Variants in WASL observed in about 807,000 individuals in gnomAD.
WASL encodes the protein WASP like actin nucleation promoting factor.
A neutral mutation model predicts 55.5 loss-of-function variants in WASL; 20 were observed. The observed-to-expected ratio is 0.36, with a 90% CI of 0.25 to 0.52. WASL has a LOEUF of 0.52. WASL is among the 20% of genes least tolerant of loss of function. WASL has a pLI of 0.92. For missense variants in WASL, 504 were observed against 622.5 expected (o/e 0.81, Z 2.03); for synonymous variants, 249 against 217.6 (o/e 1.14, Z -1.27).
chr7:123,731,186 A>G (rs1804130546), intron 1 of WASL, among the ~76,000 whole-genome samples: 1 of 152,210 alleles, frequency 6.6e-6, no homozygotes, highest in South Asian at 2.1e-4. Flanking sequence ...ACATACATAT[A>G]TATATGCACA....
In WASL at chr7:123,694,829, T is replaced by G. The variant is rs1181280452; in HGVS notation, c.712A>C (p.Met238Leu). 1 of 1,611,814 alleles carries G rather than the reference T, an allele frequency of 6.2e-7. No homozygotes were observed. The highest frequency in any genetic ancestry group is 1.7e-5 in the Admixed American group (1 of 59,636). The change falls in exon 8 of 11, where the codon ATG (methionine) becomes CTG (leucine). Residue 238 changes from methionine (M) to leucine (L), a missense_variant. By Grantham distance (15) the Met-to-Leu change is conservative. This residue lies in a region of WASL where 17 missense variants were observed against 58.4 expected (regional missense o/e 0.29). Transcript: ENST00000223023. Reference sequence around the variant, plus strand: ...AGTTGTGCCTCTGAGATTCCACACATATCGAAAAGATTCTTCAATTCTGGA... The same window carrying G: ...AGTTGTGCCTCTGAGATTCCACACAGATCGAAAAGATTCTTCAATTCTGGA... ...LDPELKNLFD[M>L]CGISEAQLKD... is the part of the protein sequence containing the mutation.
Position 123,689,027 on chromosome 7 carries a change from TCTCTC to T in WASL, c.1456+10_1456+14del. On this transcript the variant is annotated intron_variant, in intron 10 of 10. Coordinates refer to ENST00000223023, the MANE Select transcript of WASL (RefSeq NM_003941.4). Reference sequence around the variant, plus strand: ...CTCTGTCTCTCTCTCTCTCTCTCTCTCTCTCTCTCTCTACCTGAAGAATGAATGGC... The same window carrying T: ...CTCTGTCTCTCTCTCTCTCTCTCTCTTCTCTCTACCTGAAGAATGAATGGC... 6.3e-7 allele frequency: 1 copy of T among 1,596,896 alleles called. No homozygotes were observed. Among genetic ancestry groups the T allele is most frequent in the African/African-American group, 1.3e-5 (1 of 74,150 alleles).
At chr7:123,722,195 T>C (rs927727544) in intron 1 of WASL, among the ~76,000 whole-genome samples, 1 of 152,326 alleles carries the variant, frequency 6.6e-6, no homozygotes, top group South Asian at 2.1e-4. Context: ...GTCTACCATA[T>C]TGGACAGCAT....
At chr7:123,704,162 T>C (rs547323292) in intron 5 of WASL, among the ~76,000 whole-genome samples, 1 of 152,316 alleles carries the variant, frequency 6.6e-6, no homozygotes, top group East Asian at 1.9e-4. Flanking sequence ...CAGTAGGTGT[T>C]CATTTTGAAA....
intron 1 of WASL, among the ~76,000 whole-genome samples, chr7:123,735,443 G>C (rs1300246108): frequency 6.6e-6 from 1 of 150,716 alleles, no homozygotes; most frequent in East Asian, 1.9e-4. Context: ...AACTGACTCA[G>C]ATGATAGGAG....
At chr7:123,744,601 T>C (rs1283309305) in intron 1 of WASL, among the ~76,000 whole-genome samples, 2 of 152,090 alleles carry the variant, frequency 1.3e-5, no homozygotes, top group Non-Finnish European at 2.9e-5. Flanking sequence ...ACCAGGTGAG[T>C]ATGGCAGGGA....
At chr7:123,695,231 T>C (rs1487835621) in intron 7 of WASL, among the ~76,000 whole-genome samples, 3 of 152,158 alleles carry the variant, frequency 2.0e-5, no homozygotes, top group Non-Finnish European at 4.4e-5. Context: ...AGGATCTTCC[T>C]GTAATCCCAA....
At chr7:123,722,635 T>C (rs1803967549) in intron 1 of WASL, among the ~76,000 whole-genome samples, 1 of 151,994 alleles carries the variant, frequency 6.6e-6, no homozygotes, top group Admixed American at 6.6e-5. Context: ...GTGGCCAACA[T>C]GGCGAAACCC....
At chr7:123,746,140 T>C (rs1355368670) in intron 1 of WASL, among the ~76,000 whole-genome samples, 1 of 152,214 alleles carries the variant, frequency 6.6e-6, no homozygotes, top group Non-Finnish European at 1.5e-5. Flanking sequence ...CATTTTCTAC[T>C]GTGAAAAGCA....
rs537114708 is a variant in WASL at position 123,683,338 on chromosome 7, T to G, written c.*1181A>C. On this transcript the variant is annotated 3_prime_UTR_variant, in exon 11 of 11. Transcript: ENST00000223023. ...CCTAATTTTAACACACCATTTAGTATGCATAACAAATGTGCAGGTTGTAAA... is the reference window on the plus strand; with the variant it reads ...CCTAATTTTAACACACCATTTAGTAGGCATAACAAATGTGCAGGTTGTAAA... 1.3e-5 allele frequency: 2 copies of G among 151,860 alleles called. No individual in the cohort carries two copies. Among genetic ancestry groups the G allele is most frequent in the Non-Finnish European group, 2.9e-5 (2 of 67,928 alleles). 9.4% of individuals were successfully genotyped at this position (151,860 alleles called of 1,614,324 possible).
At position 123,741,311 on chromosome 7, in the gene WASL, T is replaced by C. The variant is rs758824154; in HGVS notation, c.117+7307A>G. 5.3e-5 allele frequency among the ~76,000 whole-genome samples: 8 copies of C among 152,252 alleles called. 1 individual carries two copies. Among genetic ancestry groups the C allele is most frequent in the South Asian group, 4.1e-4 (2 of 4,836 alleles). On this transcript the variant is annotated intron_variant, in intron 1 of 10. Transcript: ENST00000223023. ...GTCTTTATTTAGAAGTTTGGTGATA[T>C]ATGCTACAGAAACTTAGCTCTTGTT... is the stretch of plus-strand genomic sequence containing the variant.
intron 5 of WASL, among the ~76,000 whole-genome samples, chr7:123,699,745 G>A (rs765496694): frequency 6.6e-6 from 1 of 152,156 alleles, no homozygotes; most frequent in Non-Finnish European, 1.5e-5. Context: ...TATGTGAAAT[G>A]AGTAACAATG....
Position 123,683,327 on chromosome 7 carries a change from A to G in WASL, c.*1192T>C, listed in dbSNP as rs1435635575. The stretch of plus-strand genomic sequence containing the variant: ...GGCAAAGAAACCCTAATTTTAACAC[A>G]CCATTTAGTATGCATAACAAATGTG... On this transcript the variant is annotated 3_prime_UTR_variant, in exon 11 of 11. Coordinates refer to ENST00000223023, the MANE Select transcript of WASL (RefSeq NM_003941.4). 2 of 151,920 alleles carry G rather than the reference A, an allele frequency of 1.3e-5. No individual in the cohort carries two copies. Among genetic ancestry groups the G allele is most frequent in the African/African-American group, 4.8e-5 (2 of 41,380 alleles). 9.4% of individuals were successfully genotyped at this position (151,920 alleles called of 1,614,324 possible). A position where few individuals can be genotyped will look rare whatever the true frequency, so the allele number is the denominator to read the frequency against.
chr7:123,718,288 T>G (rs1237995345), intron 1 of WASL, among the ~76,000 whole-genome samples: 1 of 152,212 alleles, frequency 6.6e-6, no homozygotes, highest in African/African-American at 2.4e-5. Flanking sequence ...AAACCTGGAT[T>G]AGCCTTGCTT....
chr7:123,695,806 T>C lies in WASL; in HGVS notation c.672+17A>G. 1 of 1,611,658 alleles carries C rather than the reference T, an allele frequency of 6.2e-7. No individual in the cohort carries two copies. The highest frequency in any genetic ancestry group is 1.1e-5 in the South Asian group (1 of 90,894). ...CCACATACAGTTATAACGTATATGA[T>C]TTGAAAACATACTTACATCAAAGCC... On this transcript the variant is annotated intron_variant, in intron 7 of 10. Transcript: ENST00000223023.
chr7:123,739,733 A>G (rs779447806), intron 1 of WASL, among the ~76,000 whole-genome samples: 32 of 152,164 alleles, frequency 2.1e-4, no homozygotes, highest in Non-Finnish European at 3.7e-4. Flanking sequence ...ATAATCCATC[A>G]TAAGTAGAAG....
At chr7:123,731,699 T>A (rs984124747) in intron 1 of WASL, among the ~76,000 whole-genome samples, 1 of 151,864 alleles carries the variant, frequency 6.6e-6, no homozygotes, top group African/African-American at 2.4e-5. Context: ...AATTCATGAG[T>A]CAAAGGAGTC....
intron 5 of WASL, 38 bp downstream of exon 5, chr7:123,704,596 T>A: frequency 6.7e-7 from 1 of 1,482,294 alleles, no homozygotes; most frequent in South Asian, 1.2e-5. Context: ...AACTGTCATC[T>A]AAAATCTTAA....
intron 1 of WASL, among the ~76,000 whole-genome samples, chr7:123,721,338 G>A (rs1266964742): frequency 6.6e-6 from 1 of 152,014 alleles, no homozygotes; most frequent in Non-Finnish European, 1.5e-5. Context: ...CAATCAAGGT[G>A]GGCAAAAAAC....
Sources: gnomAD v4.1 joint callset for allele counts (sites outside exome capture counted in the v4.1 genomes callset) on GRCh38, gnomAD v4.1.1 for gene constraint, gnomAD v4.1.1 regional missense constraint, MANE v1.5 for transcripts, NCBI Gene and HGNC (gene_info 2026-07-23, HGNC 2026-07-21) for gene names.